Variants in CAMTA1 observed in about 807,000 individuals in gnomAD.
CAMTA1 encodes the protein calmodulin-binding transcription activator 1.
A neutral mutation model predicts 170.9 loss-of-function variants in CAMTA1; 27 were observed. The ratio of observed to expected loss-of-function variants is 0.16; its 90% CI spans 0.12 to 0.22. CAMTA1 has a LOEUF of 0.22. Ranked by LOEUF, CAMTA1 falls within the 10% of genes least tolerant of loss-of-function variation. CAMTA1 has a pLI of 1.00. For synonymous variants in CAMTA1, 833 were observed against 891.5 expected, an observed-to-expected ratio of 0.93 and a Z score of 1.17; for missense variants, 1,619 against 2,217.2, an observed-to-expected ratio of 0.73 and a Z score of 5.42.
intron 6 of CAMTA1, among the ~76,000 whole-genome samples, chr1:7,492,948 AAC>A (rs145325028): frequency 0.54 from 78,140 of 144,484 alleles, 21,251 homozygotes; most frequent in East Asian, 0.74. Flanking sequence ...CGCACACATA[AAC>A]ACAGACTTAC....
chr1:7,231,575 G>T (rs1163755431), intron 4 of CAMTA1, among the ~76,000 whole-genome samples: 2 of 152,128 alleles, frequency 1.3e-5, no homozygotes, highest in Admixed American at 1.3e-4. Context: ...GTTTCACCAT[G>T]TTGGTCAGGC....
At chr1:7,475,005 T>C (rs2093397673) in intron 6 of CAMTA1, among the ~76,000 whole-genome samples, 1 of 152,198 alleles carries the variant, frequency 6.6e-6, no homozygotes, top group African/African-American at 2.4e-5. Flanking sequence ...CCTCAGCCCG[T>C]GGCCTCCTCC....
intron 4 of CAMTA1, among the ~76,000 whole-genome samples, chr1:7,174,956 G>T (rs1169668793): frequency 6.6e-6 from 1 of 152,220 alleles, no homozygotes; most frequent in East Asian, 1.9e-4. Context: ...GGATTAGGGA[G>T]CAGTTCTTTT....
Position 7,425,348 on chromosome 1 carries a change from G to A in CAMTA1, c.439-42482G>A, listed in dbSNP as rs931227067. On this transcript the variant is annotated intron_variant, in intron 5 of 22. Coordinates refer to ENST00000303635, the MANE Select transcript of CAMTA1 (RefSeq NM_015215.4). ...TCCCTGGGGGCCAGCGGGGCTCTTG[G>A]CATTATGGTCTGGGTGCTCAGGTGG... is the stretch of plus-strand genomic sequence containing the variant. Among the ~76,000 whole-genome samples the A allele has an allele frequency of 4.6e-5, 7 of 152,136 alleles. 1 individual carries two copies. Among genetic ancestry groups the A allele is most frequent in the African/African-American group, 1.7e-4 (7 of 41,424 alleles).
At chr1:7,187,963 TTTAA>T (rs1653740111) in intron 4 of CAMTA1, among the ~76,000 whole-genome samples, 1 of 152,026 alleles carries the variant, frequency 6.6e-6, no homozygotes, top group Non-Finnish European at 1.5e-5. Flanking sequence ...AGGAAAGAAG[TTTAA>T]TTAACTCACA....
At chr1:6,793,407 A>G (rs1641687407) in intron 1 of CAMTA1, among the ~76,000 whole-genome samples, 1 of 152,090 alleles carries the variant, frequency 6.6e-6, no homozygotes, top group African/African-American at 2.4e-5. Flanking sequence ...ATTCCTATCT[A>G]ACCATTGGAA....
chr1:6,988,617 G>A (rs550650442), intron 3 of CAMTA1, among the ~76,000 whole-genome samples: 1 of 150,746 alleles, frequency 6.6e-6, no homozygotes, highest in African/African-American at 2.4e-5. Flanking sequence ...CTACCCCTGC[G>A]CCACGGCAGT....
intron 22 of CAMTA1, among the ~76,000 whole-genome samples, chr1:7,766,128 A>T (rs2097022649): frequency 6.6e-6 from 1 of 152,202 alleles, no homozygotes; most frequent in African/African-American, 2.4e-5. Flanking sequence ...GACTAAAAAG[A>T]AAGTTATTTG....
intron 6 of CAMTA1, among the ~76,000 whole-genome samples, chr1:7,559,085 C>T (rs1002838719): frequency 6.6e-6 from 1 of 152,182 alleles, no homozygotes; most frequent in Non-Finnish European, 1.5e-5. Context: ...GCCAAGGCTC[C>T]CCCACATGGC....
chr1:6,878,734 G>T (rs1670635180), intron 3 of CAMTA1, among the ~76,000 whole-genome samples: 1 of 152,238 alleles, frequency 6.6e-6, no homozygotes, highest in Admixed American at 6.5e-5. Context: ...ATCAGTAAGG[G>T]ACGTGGGCAG....
intron 1 of CAMTA1, among the ~76,000 whole-genome samples, chr1:6,810,814 G>A (rs1283582603): frequency 2.6e-5 from 4 of 151,896 alleles, no homozygotes; most frequent in Non-Finnish European, 4.4e-5. Context: ...AAAAAAAAAA[G>A]CTGTTAACAT....
chr1:7,312,151 C>A (rs1676824889), intron 5 of CAMTA1, among the ~76,000 whole-genome samples: 2 of 152,094 alleles, frequency 1.3e-5, no homozygotes, highest in Admixed American at 1.3e-4. Flanking sequence ...GGAAAGAAAG[C>A]AACATGAGTT....
At chr1:7,225,178 G>T (rs192951903) in intron 4 of CAMTA1, among the ~76,000 whole-genome samples, 1 of 152,018 alleles carries the variant, frequency 6.6e-6, no homozygotes, top group Non-Finnish European at 1.5e-5. Context: ...TCTGCCTCCC[G>T]GGCTCATGCC....
At chr1:7,360,094 T>G (rs550039065) in intron 5 of CAMTA1, among the ~76,000 whole-genome samples, 1 of 152,270 alleles carries the variant, frequency 6.6e-6, no homozygotes, top group South Asian at 2.1e-4. Flanking sequence ...TCTCCCTGTG[T>G]GTGTGTCCAA....
Position 7,601,440 on chromosome 1 carries a change from G to A in CAMTA1, c.511-38960G>A, listed in dbSNP as rs1436832681. 3.6e-3 allele frequency among the ~76,000 whole-genome samples: 542 copies of A among 151,182 alleles called. 3 individuals carry two copies. Among genetic ancestry groups the A allele is most frequent in the African/African-American group, 0.012 (487 of 41,102 alleles). On this transcript the variant is annotated intron_variant, in intron 6 of 22. Transcript: ENST00000303635. ...GATGGGATGGCGGCCGGGCAGAGAC[G>A]CTCCTCACTTTCCAGACTGGGCAGC...
At chr1:6,858,477 T>G in intron 3 of CAMTA1, among the ~76,000 whole-genome samples, 2 of 84,848 alleles carry the variant, frequency 2.4e-5, no homozygotes, top group Admixed American at 1.6e-4. Flanking sequence ...GTGGTGTGTG[T>G]GTGTGTGTTG....
At chr1:7,505,233 T>G (rs907428224) in intron 6 of CAMTA1, among the ~76,000 whole-genome samples, 1 of 152,232 alleles carries the variant, frequency 6.6e-6, no homozygotes, top group African/African-American at 2.4e-5. Context: ...CCAGGACCTT[T>G]GCCCATGGGC....
At chr1:7,255,563 A>G (rs7544841) in intron 5 of CAMTA1, among the ~76,000 whole-genome samples, 11,099 of 152,024 alleles carry the variant, frequency 0.073, 1,156 homozygotes, top group African/African-American at 0.23. Flanking sequence ...TTCCTCCCCT[A>G]CATTGCCGTT....
chr1:6,918,042 G>T lies in CAMTA1; in HGVS notation c.234+92832G>T, dbSNP rs1015222210. Among the ~76,000 whole-genome samples the T allele has an allele frequency of 1.1e-4, 16 of 152,124 alleles. No homozygotes were observed. The highest frequency in any genetic ancestry group is 1.5e-4 in the Non-Finnish European group (10 of 68,024). On this transcript the variant is annotated intron_variant, in intron 3 of 22. Coordinates refer to ENST00000303635, the MANE Select transcript of CAMTA1 (RefSeq NM_015215.4). The surrounding 1 kb of genome is among the most constrained non-coding windows in gnomAD (Gnocchi z 4.0). Reference sequence around the variant, plus strand: ...GCTGGGTTAGGCCTCACATCTAGAAGGCCCCAAATGCCCAAGTTCTTGGGC... The same window carrying T: ...GCTGGGTTAGGCCTCACATCTAGAATGCCCCAAATGCCCAAGTTCTTGGGC...
Sources: gnomAD v4.1 joint callset for allele counts (sites outside exome capture counted in the v4.1 genomes callset) on GRCh38, gnomAD v4.1.1 for gene constraint, Gnocchi (gnomAD v3.1) non-coding constraint, MANE v1.5 for transcripts, NCBI Gene and HGNC (gene_info 2026-07-23, HGNC 2026-07-21) for gene names.